LHPP: variants seen among roughly 807,000 people sequenced by gnomAD.
LHPP encodes hLHPP.
A neutral mutation model predicts 30.3 loss-of-function variants in LHPP; 24 were observed. That is an observed-to-expected ratio of 0.79 (90% confidence interval 0.57 to 1.11). The LOEUF is 1.11. LHPP is among the 50% of genes most tolerant of loss of function. LHPP has a pLI of 0.00. For synonymous variants in LHPP, 150 were observed against 157.1 expected (o/e 0.95, Z 0.34); for missense variants, 356 against 367.2 (o/e 0.97, Z 0.25).
chr10:124,512,655 T>C (rs1954334808), intron 5 of LHPP, among the ~76,000 whole-genome samples: 1 of 151,496 alleles, frequency 6.6e-6, no homozygotes, highest in Non-Finnish European at 1.5e-5. Flanking sequence ...GGTAATGTAT[T>C]ATGTCCTGGC....
chr10:124,551,523 G>A (rs1324570552), intron 6 of LHPP, among the ~76,000 whole-genome samples: 1 of 152,190 alleles, frequency 6.6e-6, no homozygotes, highest in Non-Finnish European at 1.5e-5. Context: ...CAGGACCCTC[G>A]GGGTGGAGGC....
At chr10:124,559,209 C>A (rs1411149820) in intron 6 of LHPP, among the ~76,000 whole-genome samples, 1 of 152,208 alleles carries the variant, frequency 6.6e-6, no homozygotes, top group African/African-American at 2.4e-5. Context: ...GGGAGAGGAC[C>A]AGCAGAGGAC....
At chr10:124,594,057 C>T (rs1268950376) in intron 6 of LHPP, among the ~76,000 whole-genome samples, 3 of 152,126 alleles carry the variant, frequency 2.0e-5, no homozygotes, top group African/African-American at 7.2e-5. Flanking sequence ...CAGCATCGGC[C>T]GGACGTGGGG....
In LHPP at chr10:124,495,296, T is replaced by C. The variant is rs760240861; in HGVS notation, c.468-1665T>C. Among the ~76,000 whole-genome samples, 8 of 152,180 alleles carry C rather than the reference T, an allele frequency of 5.3e-5. No homozygotes were observed. In the South Asian group the frequency reaches 8.3e-4, roughly 16 times the overall value. ...CTGTGGAACAGGCCTGGGGTTCACG[T>C]GGAGAGTCCCAAGCCCACGTCATGA... On this transcript the variant is annotated intron_variant, in intron 3 of 6. Transcript: ENST00000368842.
intron 5 of LHPP, among the ~76,000 whole-genome samples, chr10:124,504,859 T>C (rs1057049468): frequency 1.3e-5 from 2 of 152,068 alleles, no homozygotes; most frequent in Admixed American, 1.3e-4. Context: ...GGGGGTCTGG[T>C]GAATCTGGGT....
In LHPP at chr10:124,470,060, G is replaced by A. The variant is rs191025470; in HGVS notation, c.125+8073G>A. The stretch of plus-strand genomic sequence containing the variant: ...TTGTGGGTGGGCGTGGTCACAGGCC[G>A]GAGGACATCTGTAACCGGCCGTGTC... On this transcript the variant is annotated intron_variant, in intron 1 of 6. Transcript: ENST00000368842. 6.9e-4 allele frequency among the ~76,000 whole-genome samples: 105 copies of A among 152,314 alleles called. 1 individual carries two copies. Among genetic ancestry groups the A allele is most frequent in the Non-Finnish European group, 5.1e-4 (35 of 68,026 alleles).
intron 1 of LHPP, among the ~76,000 whole-genome samples, chr10:124,466,374 G>A (rs1469751580): frequency 6.6e-6 from 1 of 152,224 alleles, no homozygotes; most frequent in African/African-American, 2.4e-5. Context: ...GGAAGAGCTG[G>A]AGGATAAGGA....
At chr10:124,515,421 C>G (rs1373336924) in intron 5 of LHPP, among the ~76,000 whole-genome samples, 1 of 152,190 alleles carries the variant, frequency 6.6e-6, no homozygotes, top group East Asian at 1.9e-4. Flanking sequence ...ACTGAATGCT[C>G]TCGTCTGCTC....
chr10:124,505,995 C>G (rs535795111), intron 5 of LHPP, among the ~76,000 whole-genome samples: 1 of 152,256 alleles, frequency 6.6e-6, no homozygotes, highest in Admixed American at 6.5e-5. Context: ...CCTGTAATCC[C>G]AGCACTTTGG....
chr10:124,552,374 C>A (rs1179672990), intron 6 of LHPP, among the ~76,000 whole-genome samples: 2 of 152,232 alleles, frequency 1.3e-5, no homozygotes, highest in African/African-American at 2.4e-5. Context: ...CCTGCCACCA[C>A]CCACCCCTCT....
chr10:124,514,351 T>G (rs188792948), intron 5 of LHPP, among the ~76,000 whole-genome samples: 242 of 152,346 alleles, frequency 1.6e-3, no homozygotes, highest in Non-Finnish European at 2.8e-3. Context: ...CCCAAAGGAC[T>G]TCTTCTACAT....
At chr10:124,586,112 G>A (rs1043421209) in intron 6 of LHPP, among the ~76,000 whole-genome samples, 3 of 152,340 alleles carry the variant, frequency 2.0e-5, no homozygotes, top group South Asian at 4.1e-4. Flanking sequence ...ACAACATTGT[G>A]TAGGAAATTT....
intron 3 of LHPP, among the ~76,000 whole-genome samples, chr10:124,489,292 C>T (rs143740462): frequency 1.4e-4 from 22 of 152,150 alleles, no homozygotes; most frequent in African/African-American, 2.2e-4. Context: ...GCTTCCTGTG[C>T]GAATAGACTA....
chr10:124,506,554 C>A (rs1284104877), intron 5 of LHPP, among the ~76,000 whole-genome samples: 1 of 151,218 alleles, frequency 6.6e-6, no homozygotes, highest in Non-Finnish European at 1.5e-5. Flanking sequence ...AGCCAGGCAC[C>A]AAACCATCGT....
intron 6 of LHPP, among the ~76,000 whole-genome samples, chr10:124,587,295 A>G (rs1233216079): frequency 6.6e-6 from 1 of 151,078 alleles, no homozygotes; most frequent in Non-Finnish European, 1.5e-5. Context: ...TCAGCCTCCC[A>G]AAGTGCTGGG....
chr10:124,583,111 G>A (rs1002741897), intron 6 of LHPP, among the ~76,000 whole-genome samples: 4 of 152,142 alleles, frequency 2.6e-5, no homozygotes, highest in African/African-American at 9.7e-5. Flanking sequence ...TTTTCTTGAT[G>A]TTGTTTTTTA....
At chr10:124,497,241 T>G (rs1382058305) in intron 4 of LHPP, among the ~76,000 whole-genome samples, 1 of 131,400 alleles carries the variant, frequency 7.6e-6, no homozygotes, top group Non-Finnish European at 1.6e-5. Flanking sequence ...CTTCCCATCC[T>G]TCCCATCCTC....
rs143171872 is a variant in LHPP at position 124,488,545 on chromosome 10, A to C, written c.437A>C (p.Glu146Ala). 6 of 1,613,610 alleles carry C rather than the reference A, an allele frequency of 3.7e-6. No individual in the cohort carries two copies. The African/African-American group carries it at 8.0e-5, about 22-fold the overall frequency. ...GCCTTCCAGGTGCTCATGGAGCTGG[A>C]AAAACCTGTGCTCATATCACTGGGA... ...NNAFQVLMEL[E>A]KPVLISLGKG... is the part of the protein sequence containing the mutation. The change falls in exon 3 of 7, where the codon GAA (glutamate) becomes GCA (alanine). Residue 146 changes from glutamate (E) to alanine (A), a missense_variant. Coordinates refer to ENST00000368842, the MANE Select transcript of LHPP (RefSeq NM_022126.4).
intron 1 of LHPP, among the ~76,000 whole-genome samples, chr10:124,477,390 C>CA (rs1952982622): frequency 6.6e-6 from 1 of 152,120 alleles, no homozygotes; most frequent in African/African-American, 2.4e-5. Flanking sequence ...AGGGACCCTC[C>CA]AGCACACCAG....
Sources: gnomAD v4.1 joint callset for allele counts (sites outside exome capture counted in the v4.1 genomes callset) on GRCh38, gnomAD v4.1.1 for gene constraint, MANE v1.5 for transcripts, NCBI Gene and HGNC (gene_info 2026-07-23, HGNC 2026-07-21) for gene names.